LARP4B: variants seen among roughly 807,000 people sequenced by gnomAD.
The protein encoded by LARP4B is la-related protein 4B.
Under a neutral mutation model 89.8 loss-of-function variants are expected in LARP4B, and 12 were observed. That is an observed-to-expected ratio of 0.13 (90% confidence interval 0.09 to 0.22). The LOEUF is 0.22. Ranked by LOEUF, LARP4B falls within the 10% of genes least tolerant of loss-of-function variation. The pLI is 1.00. For missense variants in LARP4B, 757 were observed against 947.7 expected, an observed-to-expected ratio of 0.80 and a Z score of 2.64; for synonymous variants, 367 against 363.3, an observed-to-expected ratio of 1.01 and a Z score of -0.12.
rs761154907 is a variant in LARP4B at position 864,219 on chromosome 10, C to A, written c.193G>T (p.Ala65Ser). The A allele has an allele frequency of 3.7e-6, 6 of 1,614,102 alleles. No homozygotes were observed. The highest frequency in any genetic ancestry group is 4.2e-6 in the Non-Finnish European group (5 of 1,179,974). The part of the protein sequence containing the change: ...ELNPNAEVWG[A>S]PVLHLEASSA... ...CTTGCTTCCAGATGTAACACAGGAG[C>A]CCCCCACACTTCTGCATTAGGGTTC... The change falls in exon 4 of 18, where the codon GCT becomes TCT. Residue 65 changes from alanine to serine, a missense_variant. Transcript: ENST00000316157.
chr10:919,013 G>A (rs955072729), intron 1 of LARP4B, among the ~76,000 whole-genome samples: 25 of 151,876 alleles, frequency 1.6e-4, no homozygotes, highest in Admixed American at 4.6e-4. Flanking sequence ...CCCGAGAGGC[G>A]GAGTTTGCAG....
chr10:831,995 A>C (rs1012579049), intron 8 of LARP4B, among the ~76,000 whole-genome samples: 2 of 152,224 alleles, frequency 1.3e-5, no homozygotes, highest in African/African-American at 4.8e-5. Context: ...AAAGGTAAAG[A>C]CTGAGCATAT....
chr10:895,403 C>G (rs1190139061), intron 1 of LARP4B, among the ~76,000 whole-genome samples: 3 of 150,472 alleles, frequency 2.0e-5, no homozygotes, highest in Non-Finnish European at 4.4e-5. Context: ...AAAAAAAAAT[C>G]CCATGGAAAT....
intron 3 of LARP4B, among the ~76,000 whole-genome samples, chr10:868,780 C>T (rs1408518240): frequency 6.6e-6 from 1 of 152,220 alleles, no homozygotes; most frequent in Non-Finnish European, 1.5e-5. Flanking sequence ...CCTTACACTA[C>T]AGAAGGGGAT....
At chr10:858,426 C>T (rs548706114) in intron 5 of LARP4B, among the ~76,000 whole-genome samples, 60 of 152,192 alleles carry the variant, frequency 3.9e-4, no homozygotes, top group African/African-American at 1.3e-3. Flanking sequence ...AAATGTAAGA[C>T]CCGAAATGAT....
the LARP4B span, among the ~76,000 whole-genome samples, chr10:955,956 C>T: frequency 6.6e-6 from 1 of 152,142 alleles, no homozygotes; most frequent in South Asian, 2.1e-4. The surrounding 1 kb of genome is among the most constrained non-coding windows in gnomAD (Gnocchi z 5.2). Context: ...ACTGGCTGAG[C>T]GTCCTTCCCT....
At chr10:912,823 G>A (rs752997719) in intron 1 of LARP4B, among the ~76,000 whole-genome samples, 2 of 152,030 alleles carry the variant, frequency 1.3e-5, no homozygotes, top group Non-Finnish European at 2.9e-5. Flanking sequence ...GGTTGCAGAG[G>A]TCACTGCACT....
At position 820,976 on chromosome 10, in the gene LARP4B, G is replaced by A. The variant is rs998822400; in HGVS notation, c.1485-131C>T. ...TATCACTTTGAAACCTTTCAAAGAT[G>A]ACTTTCAATTCTAAAATCCCAACTT... On this transcript the variant is annotated intron_variant, in intron 13 of 17. Coordinates refer to ENST00000316157, the MANE Select transcript of LARP4B (RefSeq NM_015155.3). 9 of 762,982 alleles carry A rather than the reference G, an allele frequency of 1.2e-5. No homozygotes were observed. In the African/African-American group the frequency reaches 1.6e-4, roughly 13 times the overall value. The allele number at this position is 762,982 out of a possible 1,614,324, so 47.3% of individuals were successfully genotyped here. A position where few individuals can be genotyped will look rare whatever the true frequency, so the allele number is the denominator to read the frequency against.
intron 3 of LARP4B, among the ~76,000 whole-genome samples, chr10:878,153 C>T (rs1405653646): frequency 6.6e-6 from 1 of 152,170 alleles, no homozygotes; most frequent in African/African-American, 2.4e-5. Context: ...AGAGGAGAGC[C>T]AGTGGGCAGC....
chr10:919,592 G>C (rs1332153933), intron 1 of LARP4B, among the ~76,000 whole-genome samples: 1 of 152,182 alleles, frequency 6.6e-6, no homozygotes, highest in Non-Finnish European at 1.5e-5. Flanking sequence ...TTTCTTAAGA[G>C]TGTAAGATAG....
In LARP4B at chr10:815,021, C is replaced by A; in HGVS notation, c.1745G>T (p.Arg582Ile). The A allele has an allele frequency of 1.2e-6, 2 of 1,608,710 alleles. No individual in the cohort carries two copies. Among genetic ancestry groups the A allele is most frequent in the Non-Finnish European group, 1.7e-6 (2 of 1,176,666 alleles). Reference sequence around the variant, plus strand: ...ACAAGAAGCCGGCACCGAGGGCTCTCTGGAGACCACTACAGGAAGGGTGTT... The same window carrying A: ...ACAAGAAGCCGGCACCGAGGGCTCTATGGAGACCACTACAGGAAGGGTGTT... The part of the protein sequence containing the change: ...SVNTLPVVVS[R>I]EPSVPASCAV... Residue 582 changes from arginine (R) to isoleucine (I), a missense_variant, in exon 16 of 18, where the codon AGA becomes ATA. Physicochemically the swap from Arg to Ile is moderately conservative, Grantham distance 97. This residue lies in a region of LARP4B where 387 missense variants were observed against 423.6 expected (regional missense o/e 0.91). Coordinates refer to ENST00000316157, the MANE Select transcript of LARP4B (RefSeq NM_015155.3).
At chr10:895,209 A>T (rs1836149781) in intron 1 of LARP4B, among the ~76,000 whole-genome samples, 1 of 151,962 alleles carries the variant, frequency 6.6e-6, no homozygotes, top group Non-Finnish European at 1.5e-5. Context: ...AAATAACGTA[A>T]AATAAAATAA....
chr10:813,385 C>T (rs1263159111), intron 17 of LARP4B, among the ~76,000 whole-genome samples, 172 bp from the exon 18 acceptor site: 1 of 152,256 alleles, frequency 6.6e-6, no homozygotes, highest in Non-Finnish European at 1.5e-5. Flanking sequence ...GTTTCCCCTG[C>T]AGCAGAACAC....
the LARP4B span, among the ~76,000 whole-genome samples, chr10:983,884 C>T: frequency 6.6e-6 from 1 of 152,136 alleles, no homozygotes; most frequent in South Asian, 2.1e-4. Flanking sequence ...ATAGTGAATA[C>T]TATTATTTTT....
chr10:942,555 G>T, the LARP4B span: 2 of 152,310 alleles, frequency 1.3e-5, no homozygotes, highest in South Asian at 4.1e-4. Context: ...TCTGCAAAGT[G>T]TACCACACGA....
chr10:956,775 C>A, the LARP4B span, among the ~76,000 whole-genome samples: 1 of 152,160 alleles, frequency 6.6e-6, no homozygotes, highest in Non-Finnish European at 1.5e-5. The surrounding 1 kb of genome is among the most constrained non-coding windows in gnomAD (Gnocchi z 4.3). Flanking sequence ...GTTGCTAGAG[C>A]CATGGCCTGT....
the LARP4B span, among the ~76,000 whole-genome samples, chr10:981,715 G>A: frequency 1.1e-4 from 17 of 152,062 alleles, no homozygotes; most frequent in African/African-American, 2.4e-4. Context: ...GATTACAGGC[G>A]CCTGCCACTG....
intron 1 of LARP4B, among the ~76,000 whole-genome samples, chr10:896,381 A>G (rs951007285): frequency 6.6e-6 from 1 of 152,206 alleles, no homozygotes; most frequent in Non-Finnish European, 1.5e-5. Context: ...ATAATAAAAT[A>G]AATTACCTGA....
chr10:897,879 T>G (rs1328519846), intron 1 of LARP4B, among the ~76,000 whole-genome samples: 1 of 150,336 alleles, frequency 6.7e-6, no homozygotes, highest in African/African-American at 2.5e-5. Flanking sequence ...TCTCAGTTAC[T>G]TGGGAGGCTG....
Sources: gnomAD v4.1 joint callset for allele counts (sites outside exome capture counted in the v4.1 genomes callset) on GRCh38, gnomAD v4.1.1 for gene constraint, gnomAD v4.1.1 regional missense constraint, Gnocchi (gnomAD v3.1) non-coding constraint, MANE v1.5 for transcripts, NCBI Gene and HGNC (gene_info 2026-07-23, HGNC 2026-07-21) for gene names.